PRKCE: variants seen among roughly 807,000 people sequenced by gnomAD.
The protein encoded by PRKCE is protein kinase C epsilon, also known as protein kinase C epsilon type.
A neutral mutation model predicts 85.4 loss-of-function variants in PRKCE; 16 were observed. That is an observed-to-expected ratio of 0.19 (90% CI 0.13 to 0.28). PRKCE has a LOEUF of 0.28. Among genes scored for constraint, PRKCE ranks in the 10% least tolerant of loss-of-function variants. The probability of loss-of-function intolerance (pLI) is 1.00; values close to 1 mark genes in which losing one functional copy is unlikely to be tolerated. For synonymous variants in PRKCE, 388 were observed against 371.5 expected (o/e 1.04, Z -0.51); for missense variants, 573 against 975.2 (o/e 0.59, Z 5.49).
chr2:45,822,253 G>A (rs549219485), intron 1 of PRKCE, among the ~76,000 whole-genome samples: 1 of 152,350 alleles, frequency 6.6e-6, no homozygotes, highest in African/African-American at 2.4e-5. Context: ...TGGTAATTTT[G>A]TATTTTGTAG....
intron 1 of PRKCE, among the ~76,000 whole-genome samples, chr2:45,826,604 C>G (rs941098209): frequency 6.6e-6 from 1 of 152,086 alleles, no homozygotes; most frequent in East Asian, 1.9e-4. Context: ...TTGGACCTTC[C>G]CCCCGAACTT....
chr2:45,797,320 C>T (rs1234710598), intron 1 of PRKCE, among the ~76,000 whole-genome samples: 1 of 152,234 alleles, frequency 6.6e-6, no homozygotes. Flanking sequence ...AGGGAGGGAG[C>T]CACGCATGTC....
intron 1 of PRKCE, among the ~76,000 whole-genome samples, chr2:45,713,152 C>A (rs909946624): frequency 1.3e-5 from 2 of 152,142 alleles, no homozygotes; most frequent in African/African-American, 4.8e-5. Flanking sequence ...TCGCTGTCAC[C>A]TCGAGGCTCT....
chr2:45,988,112 G>A (rs1270547828), intron 6 of PRKCE, among the ~76,000 whole-genome samples: 3 of 152,184 alleles, frequency 2.0e-5, no homozygotes, highest in Non-Finnish European at 4.4e-5. Flanking sequence ...ACTCAGCCAG[G>A]CTTTCTGTCT....
At chr2:46,176,182 G>C (rs1316246893) in intron 14 of PRKCE, among the ~76,000 whole-genome samples, 1 of 152,184 alleles carries the variant, frequency 6.6e-6, no homozygotes, top group African/African-American at 2.4e-5. Flanking sequence ...AAACCACTAA[G>C]AGGAAATTGA....
intron 8 of PRKCE, among the ~76,000 whole-genome samples, chr2:46,005,571 G>A (rs1396304839): frequency 6.6e-6 from 1 of 152,176 alleles, no homozygotes; most frequent in Non-Finnish European, 1.5e-5. Flanking sequence ...AAGGTTTGGA[G>A]ATAAGTCAGT....
intron 2 of PRKCE, among the ~76,000 whole-genome samples, chr2:45,975,050 C>G (rs1702353744): frequency 6.6e-6 from 1 of 152,160 alleles, no homozygotes. Context: ...GGTGGAGGAA[C>G]AATGGCCTCT....
At chr2:45,941,221 T>C (rs572311583) in intron 2 of PRKCE, among the ~76,000 whole-genome samples, 5 of 152,280 alleles carry the variant, frequency 3.3e-5, no homozygotes, top group African/African-American at 1.2e-4. Context: ...GGCCACTTGC[T>C]CATGGATTTA....
intron 1 of PRKCE, among the ~76,000 whole-genome samples, chr2:45,779,141 C>A (rs1685981963): frequency 6.6e-6 from 1 of 152,228 alleles, no homozygotes; most frequent in South Asian, 2.1e-4. Flanking sequence ...GAGCACCTAA[C>A]GTGCCCAACT....
intron 1 of PRKCE, among the ~76,000 whole-genome samples, chr2:45,665,248 C>G (rs1385938045): frequency 6.6e-6 from 1 of 152,166 alleles, no homozygotes; most frequent in African/African-American, 2.4e-5. Flanking sequence ...TTCTTTGCAA[C>G]CATAGAAATC....
chr2:45,913,911 T>C (rs1222240228), intron 2 of PRKCE, among the ~76,000 whole-genome samples: 1 of 152,190 alleles, frequency 6.6e-6, no homozygotes, highest in Non-Finnish European at 1.5e-5. Context: ...GAGTGTCTGT[T>C]CCTCAAGTCT....
intron 1 of PRKCE, among the ~76,000 whole-genome samples, chr2:45,669,885 C>T (rs1301833510): frequency 6.6e-6 from 1 of 152,106 alleles, no homozygotes; most frequent in African/African-American, 2.4e-5. Flanking sequence ...GAGGCAGGTG[C>T]CAGTAATCCC....
At position 45,953,915 on chromosome 2, in the gene PRKCE, A is replaced by G. The variant is rs141635569; in HGVS notation, c.413-22514A>G. On this transcript the variant is annotated intron_variant, in intron 2 of 14. Transcript: ENST00000306156. ...AATTACCAGTTGATGTAGGCAAAGC[A>G]CAGAGGAAGTCAAATTTTCACAGAA... 2.5e-3 allele frequency among the ~76,000 whole-genome samples: 387 copies of G among 152,358 alleles called. 4 individuals carry two copies. The highest frequency in any genetic ancestry group is 9.1e-3 in the African/African-American group (378 of 41,578).
rs184577903 is a variant in PRKCE at position 46,055,118 on chromosome 2, C to T, written c.1438-31090C>T. Reference sequence around the variant, plus strand: ...TGCCAGGTATGCAGGCGCAAAAGGCCGTCACACTGACCCTCCACTGAGCTG... The same window carrying T: ...TGCCAGGTATGCAGGCGCAAAAGGCTGTCACACTGACCCTCCACTGAGCTG... On this transcript the variant is annotated intron_variant, in intron 10 of 14. Coordinates refer to ENST00000306156, the MANE Select transcript of PRKCE (RefSeq NM_005400.3). Among the ~76,000 whole-genome samples the T allele has an allele frequency of 7.9e-5, 12 of 152,296 alleles. No homozygotes were observed. The East Asian group carries it at 1.9e-3, about 24-fold the overall frequency.
At chr2:46,150,985 G>C in intron 12 of PRKCE, 56 bp from the exon 13 acceptor site, 12 of 1,510,520 alleles carry the variant, frequency 7.9e-6, no homozygotes, top group Non-Finnish European at 9.0e-6. Flanking sequence ...CGTAGCACGG[G>C]TGTCACTGGG....
In PRKCE at chr2:46,141,676, AT is replaced by A. The variant is rs947787409; in HGVS notation, c.1593-3413del. On this transcript the variant is annotated intron_variant, in intron 11 of 14. Coordinates refer to ENST00000306156, the MANE Select transcript of PRKCE (RefSeq NM_005400.3). ...CATATTGGGAAAGAAATTTTGCTGGATTTTCCCCCCTCTATTAAAAAAAGAC... is the reference window on the plus strand; with the variant it reads ...CATATTGGGAAAGAAATTTTGCTGGATTTCCCCCCTCTATTAAAAAAAGAC... 7.8e-4 allele frequency among the ~76,000 whole-genome samples: 118 copies of A among 152,036 alleles called. 2 individuals carry two copies. Among genetic ancestry groups the A allele is most frequent in the African/African-American group, 2.6e-3 (107 of 41,450 alleles).
intron 1 of PRKCE, among the ~76,000 whole-genome samples, chr2:45,718,115 T>C (rs1680298359): frequency 6.6e-6 from 1 of 152,140 alleles, no homozygotes; most frequent in Non-Finnish European, 1.5e-5. Context: ...AACTTTTCAT[T>C]GGAGGAGGCT....
chr2:45,677,959 C>T (rs1676604776), intron 1 of PRKCE: 25 of 888,936 alleles, frequency 2.8e-5, no homozygotes, highest in Non-Finnish European at 3.4e-5. Context: ...TTGTCTGCCA[C>T]TGTGATGTAA....
At chr2:46,096,143 G>A (rs1670660723) in intron 11 of PRKCE, among the ~76,000 whole-genome samples, 1 of 152,212 alleles carries the variant, frequency 6.6e-6, no homozygotes, top group Admixed American at 6.5e-5. Flanking sequence ...GAATGAGGCT[G>A]AATCCTGGGT....
Sources: gnomAD v4.1 joint callset for allele counts (sites outside exome capture counted in the v4.1 genomes callset) on GRCh38, gnomAD v4.1.1 for gene constraint, MANE v1.5 for transcripts, NCBI Gene and HGNC (gene_info 2026-07-23, HGNC 2026-07-21) for gene names.